The following SLC36A1 variants were observed in gnomAD, a reference collection of about 807,000 sequenced individuals.
SLC36A1 encodes solute carrier family 36 member 1.
SLC36A1 carries 30 observed loss-of-function variants against 47.5 expected under a neutral mutation model. The observed-to-expected ratio is 0.63, with a 90% CI of 0.47 to 0.86. The LOEUF is 0.86. Among genes scored for constraint, SLC36A1 ranks in the 40% least tolerant of loss-of-function variants. The probability of loss-of-function intolerance (pLI) is 0.00; values close to 1 mark genes in which losing one functional copy is unlikely to be tolerated. For missense variants in SLC36A1, 517 were observed against 606.0 expected, an observed-to-expected ratio of 0.85 and a Z score of 1.54; for synonymous variants, 255 against 249.7, an observed-to-expected ratio of 1.02 and a Z score of -0.20.
At chr5:151,485,054 A>G (rs1759338514) in intron 10 of SLC36A1, among the ~76,000 whole-genome samples, 2 of 152,116 alleles carry the variant, frequency 1.3e-5, no homozygotes, top group South Asian at 4.2e-4. Flanking sequence ...TAGATGACCT[A>G]TGATGAGAAT....
the SLC36A1 span, chr5:151,378,633 G>A: frequency 6.0e-6 from 1 of 166,102 alleles, no homozygotes; most frequent in Non-Finnish European, 1.4e-5. Context: ...CATGAAGGAG[G>A]AATTCATCAT....
chr5:151,415,375 T>G, the SLC36A1 span, among the ~76,000 whole-genome samples: 1 of 152,140 alleles, frequency 6.6e-6, no homozygotes, highest in African/African-American at 2.4e-5. Context: ...TCCATTCTTC[T>G]CTTCTACTTC....
the SLC36A1 span, among the ~76,000 whole-genome samples, chr5:151,365,852 C>A: frequency 6.6e-6 from 1 of 152,162 alleles, no homozygotes; most frequent in Non-Finnish European, 1.5e-5. Flanking sequence ...GCATTTTGTA[C>A]GTTGCCTGGC....
chr5:151,545,478 C>A, the SLC36A1 span: 1 of 1,614,148 alleles, frequency 6.2e-7, no homozygotes, highest in Non-Finnish European at 8.5e-7. Flanking sequence ...GATGGATAGG[C>A]CCGACTATTG....
intron 7 of SLC36A1, among the ~76,000 whole-genome samples, chr5:151,471,464 A>T (rs1297291827): frequency 1.3e-5 from 2 of 152,208 alleles, no homozygotes; most frequent in African/African-American, 2.4e-5. Context: ...CCAGTCTGAT[A>T]CTTGAATCTG....
the SLC36A1 span, among the ~76,000 whole-genome samples, chr5:151,387,568 T>C: frequency 6.6e-6 from 1 of 152,140 alleles, no homozygotes. Flanking sequence ...CAGACATCTC[T>C]TCAATGAGTG....
the SLC36A1 span, among the ~76,000 whole-genome samples, chr5:151,530,877 A>G: frequency 6.6e-6 from 1 of 152,168 alleles, no homozygotes; most frequent in African/African-American, 2.4e-5. Flanking sequence ...TCATTGTACT[A>G]TTCTATTTTT....
At chr5:151,531,622 T>C in the SLC36A1 span, 2 of 1,613,196 alleles carry the variant, frequency 1.2e-6, no homozygotes, top group South Asian at 2.2e-5. This position sits in a 1 kb window ranked among gnomAD's most constrained non-coding sequence, Gnocchi z 5.7. Context: ...GCCTTGCTCG[T>C]TCCCGCTGAC....
the SLC36A1 span, among the ~76,000 whole-genome samples, chr5:151,518,374 A>AATTATTATTATT: frequency 2.7e-5 from 4 of 147,396 alleles, no homozygotes; most frequent in African/African-American, 9.9e-5. Context: ...TAATAATAAT[A>AATTATTATTATT]ATTTTTAAAA....
the SLC36A1 span, among the ~76,000 whole-genome samples, chr5:151,391,803 C>A: frequency 1.3e-5 from 2 of 152,126 alleles, no homozygotes; most frequent in Non-Finnish European, 2.9e-5. Context: ...ATTCAGTTTG[C>A]CAGTATTTTA....
At chr5:151,370,054 A>G in the SLC36A1 span, among the ~76,000 whole-genome samples, 78,260 of 149,346 alleles carry the variant, frequency 0.52, 22,237 homozygotes, top group African/African-American at 0.77. Context: ...GCCCACCTCG[A>G]CCTCCCAAAG....
the SLC36A1 span, among the ~76,000 whole-genome samples, chr5:151,547,156 A>T: frequency 2.1e-3 from 326 of 152,358 alleles, no homozygotes; most frequent in African/African-American, 7.5e-3. Flanking sequence ...TGCTTACCAT[A>T]AATCAGAAGT....
the SLC36A1 span, chr5:151,506,037 T>C: frequency 6.4e-7 from 1 of 1,564,928 alleles, no homozygotes; most frequent in Non-Finnish European, 8.6e-7. Context: ...GGAGTGGGGG[T>C]ATTCCCAGCG....
At chr5:151,527,221 G>T in the SLC36A1 span, 1 of 1,594,094 alleles carries the variant, frequency 6.3e-7, no homozygotes, top group Non-Finnish European at 8.6e-7. Flanking sequence ...GTGCCTTGGA[G>T]GCTCAAGCTT....
chr5:151,466,249 A>G (rs904304016), intron 5 of SLC36A1, among the ~76,000 whole-genome samples: 4 of 152,166 alleles, frequency 2.6e-5, no homozygotes, highest in Admixed American at 6.5e-5. Flanking sequence ...GCTCATAGTA[A>G]AAACTTTGTT....
chr5:151,349,197 T>C, the SLC36A1 span, among the ~76,000 whole-genome samples: 1 of 152,186 alleles, frequency 6.6e-6, no homozygotes, highest in Non-Finnish European at 1.5e-5. Flanking sequence ...AGATATGAGC[T>C]AGTTCTTGCC....
At chr5:151,510,546 C>A in the SLC36A1 span, 1 of 169,556 alleles carries the variant, frequency 5.9e-6, no homozygotes, top group South Asian at 1.8e-4. Context: ...GGGACAGGTA[C>A]AAAGGGATGG....
chr5:151,385,453 C>T, the SLC36A1 span, among the ~76,000 whole-genome samples: 5 of 152,318 alleles, frequency 3.3e-5, no homozygotes, highest in South Asian at 2.1e-4. Flanking sequence ...AACCCAGAAT[C>T]GCCATCCAAA....
the SLC36A1 span, among the ~76,000 whole-genome samples, chr5:151,413,832 T>C: frequency 3.3e-5 from 5 of 152,110 alleles, no homozygotes; most frequent in African/African-American, 9.7e-5. Flanking sequence ...AGGTATATTA[T>C]ATATTGGCAG....
Sources: gnomAD v4.1 joint callset for allele counts (sites outside exome capture counted in the v4.1 genomes callset) on GRCh38, gnomAD v4.1.1 for gene constraint, Gnocchi (gnomAD v3.1) non-coding constraint, MANE v1.5 for transcripts, NCBI Gene and HGNC (gene_info 2026-07-23, HGNC 2026-07-21) for gene names.